Variants in CCL26 observed in about 807,000 individuals in gnomAD.
CCL26 encodes the protein C-C motif chemokine 26.
In CCL26, 10 loss-of-function variants were observed where a neutral mutation model predicts 10.7. The ratio of observed to expected loss-of-function variants is 0.93; its 90% confidence interval spans 0.57 to 1.58. The LOEUF is 1.58. Among genes scored for constraint, CCL26 ranks in the 40% most tolerant of loss-of-function variants. The pLI is 0.00. For synonymous variants in CCL26, 43 were observed against 41.4 expected (o/e 1.04, Z -0.15); for missense variants, 116 against 111.0 (o/e 1.05, Z -0.20).
At chr7:75,776,661 A>C (rs1483469740), upstream of CCL26, among the ~76,000 whole-genome samples, 1 of 152,146 alleles carries the variant, frequency 6.6e-6, no homozygotes, top group African/African-American at 2.4e-5. Context: ...TGAACACTTT[A>C]CGAGAAGGAA....
intron 1 of CCL26, among the ~76,000 whole-genome samples, chr7:75,786,621 G>C (rs1312413726): frequency 6.6e-6 from 1 of 152,114 alleles, no homozygotes. Context: ...CCATCAAAAG[G>C]CATCAGATCC....
At chr7:75,775,414 G>A (rs374507164), upstream of CCL26, among the ~76,000 whole-genome samples, 1 of 152,160 alleles carries the variant, frequency 6.6e-6, no homozygotes, top group African/African-American at 2.4e-5. Flanking sequence ...GGATTCTGGT[G>A]CAAGTCCTTT....
At chr7:75,776,108 G>A (rs1262813761), upstream of CCL26, among the ~76,000 whole-genome samples, 1 of 125,894 alleles carries the variant, frequency 7.9e-6, no homozygotes, top group African/African-American at 3.0e-5. Flanking sequence ...GTCTCACTCT[G>A]TCGCCCAGGC....
intron 1 of CCL26, among the ~76,000 whole-genome samples, chr7:75,781,859 T>G (rs1803071698): frequency 6.6e-6 from 1 of 152,128 alleles, no homozygotes; most frequent in Non-Finnish European, 1.5e-5. Flanking sequence ...TCAGCCCACC[T>G]GCACCCAGGT....
intron 1 of CCL26, among the ~76,000 whole-genome samples, chr7:75,782,130 A>C (rs571247931): frequency 6.0e-5 from 9 of 151,032 alleles, no homozygotes; most frequent in Non-Finnish European, 1.2e-4. Context: ...CTATCCCTCA[A>C]CCTCTTTTTC....
chr7:75,770,979 T>G (rs1554528034), intron 2 of CCL26, among the ~76,000 whole-genome samples: 2 of 152,280 alleles, frequency 1.3e-5, no homozygotes, highest in Non-Finnish European at 2.9e-5. Context: ...GGATAGAAAA[T>G]ACAAAACTCG....
At chr7:75,784,061 A>G (rs1803127476) in intron 1 of CCL26, among the ~76,000 whole-genome samples, 1 of 152,172 alleles carries the variant, frequency 6.6e-6, no homozygotes, top group Non-Finnish European at 1.5e-5. Flanking sequence ...GCCAAGTAGC[A>G]ATGTATTTCT....
At chr7:75,781,989 GTCC>G (rs1201924795) in intron 1 of CCL26, among the ~76,000 whole-genome samples, 1 of 152,116 alleles carries the variant, frequency 6.6e-6, no homozygotes, top group Non-Finnish European at 1.5e-5. Context: ...CCAGTCCCCT[GTCC>G]TCACCCTCAC....
chr7:75,790,969 C>G (rs1306363512), upstream of CCL26, among the ~76,000 whole-genome samples: 1 of 149,570 alleles, frequency 6.7e-6, no homozygotes, highest in African/African-American at 2.4e-5. Context: ...TCCCTTCACC[C>G]AAGAGGCATG....
upstream of CCL26, among the ~76,000 whole-genome samples, chr7:75,790,544 C>T (rs975775712): frequency 3.9e-5 from 6 of 152,054 alleles, no homozygotes; most frequent in Non-Finnish European, 8.8e-5. Context: ...GGATTACAGG[C>T]AGGAGCTGCT....
rs560487602 is a variant in CCL26 at position 75,778,175 on chromosome 7, G to A, written c.-78-5921C>T. On this transcript the variant is annotated intron_variant, in intron 1 of 3. Transcript: ENST00000394905. ...TACATTCCCACCAACAGAGTCGAGG[G>A]TTCCCTTGTCTCCACATCTCATCAA... 4.6e-5 allele frequency among the ~76,000 whole-genome samples: 7 copies of A among 152,142 alleles called. No individual in the cohort carries two copies. In the South Asian group the frequency reaches 1.5e-3, roughly 32 times the overall value.
At chr7:75,769,910 C>G (rs1563334151) in intron 2 of CCL26, 121 bp from the exon 3 acceptor site, 1 of 647,690 alleles carries the variant, frequency 1.5e-6, no homozygotes, top group African/African-American at 1.8e-5. Flanking sequence ...ACTTGTTGCT[C>G]TCTGTCCCTG....
At chr7:75,781,036 C>T (rs1803049000) in intron 1 of CCL26, among the ~76,000 whole-genome samples, 3 of 152,320 alleles carry the variant, frequency 2.0e-5, no homozygotes, top group East Asian at 3.9e-4. Context: ...CATTTAGGCT[C>T]TTTCATCAAA....
At chr7:75,780,401 C>A (rs941970482) in intron 1 of CCL26, among the ~76,000 whole-genome samples, 1 of 152,154 alleles carries the variant, frequency 6.6e-6, no homozygotes, top group South Asian at 2.1e-4. Context: ...TCTCTCTTCT[C>A]CCTTAGCCTG....
chr7:75,789,461 C>CTTTTTTTTTT (rs35341116), intron 1 of CCL26, among the ~76,000 whole-genome samples: 1 of 123,002 alleles, frequency 8.1e-6, no homozygotes, highest in African/African-American at 3.1e-5. Flanking sequence ...CTCTTTTTCT[C>CTTTTTTTTTT]TTTTTTTTTT....
At chr7:75,771,151 C>A (rs1176090346) in intron 2 of CCL26, among the ~76,000 whole-genome samples, 1 of 152,064 alleles carries the variant, frequency 6.6e-6, no homozygotes, top group Non-Finnish European at 1.5e-5. Context: ...GTGGTGCGAT[C>A]ATACCTCACT....
intron 1 of CCL26, among the ~76,000 whole-genome samples, chr7:75,787,399 CTT>C (rs1803219815): frequency 6.6e-6 from 1 of 152,006 alleles, no homozygotes; most frequent in Non-Finnish European, 1.5e-5. Context: ...AATCCCAGAA[CTT>C]TGGGAGGCTG....
chr7:75,779,314 G>A (rs1045694585), intron 1 of CCL26, among the ~76,000 whole-genome samples: 1 of 152,162 alleles, frequency 6.6e-6, no homozygotes, highest in African/African-American at 2.4e-5. Flanking sequence ...GTGGAATTTG[G>A]TGCTGTGACT....
chr7:75,785,890 C>T (rs191844805), intron 1 of CCL26, among the ~76,000 whole-genome samples: 1 of 152,162 alleles, frequency 6.6e-6, no homozygotes, highest in Non-Finnish European at 1.5e-5. Context: ...CGCCCTGTAG[C>T]CTTTTTGTCC....
Sources: gnomAD v4.1 joint callset for allele counts (sites outside exome capture counted in the v4.1 genomes callset) on GRCh38, gnomAD v4.1.1 for gene constraint, MANE v1.5 for transcripts, NCBI Gene and HGNC (gene_info 2026-07-23, HGNC 2026-07-21) for gene names.